The following ZMYND8 variants were observed in gnomAD, a reference collection of about 807,000 sequenced individuals.
ZMYND8 encodes MYND-type zinc finger-containing chromatin reader ZMYND8.
ZMYND8 carries 37 observed loss-of-function variants against 140.8 expected under a neutral mutation model. The ratio of observed to expected loss-of-function variants is 0.26; its 90% CI spans 0.20 to 0.35. ZMYND8 has a LOEUF of 0.35. Ranked by LOEUF, ZMYND8 falls within the 10% of genes least tolerant of loss-of-function variation. The pLI is 1.00. For missense variants in ZMYND8, 1,068 were observed against 1,570.0 expected (o/e 0.68, Z 5.40); for synonymous variants, 592 against 597.1 (o/e 0.99, Z 0.12).
In ZMYND8 at chr20:47,313,682, A is replaced by G. The variant is rs528516177; in HGVS notation, c.86-3478T>C. Among the ~76,000 whole-genome samples the G allele has an allele frequency of 1.4e-3, 206 of 152,118 alleles. 1 individual carries two copies. Among genetic ancestry groups the G allele is most frequent in the African/African-American group, 4.9e-3 (202 of 41,494 alleles). On this transcript the variant is annotated intron_variant, in intron 2 of 22. Transcript: ENST00000471951. ...GACGGTGGCTCACACCTGTAATCTCAGCACTTTGGGAGGCCGAGGCAAGCG... is the reference window on the plus strand; with the variant it reads ...GACGGTGGCTCACACCTGTAATCTCGGCACTTTGGGAGGCCGAGGCAAGCG...
At chr20:47,346,022 G>T (rs980089738) in intron 2 of ZMYND8, among the ~76,000 whole-genome samples, 1 of 152,148 alleles carries the variant, frequency 6.6e-6, no homozygotes, top group African/African-American at 2.4e-5. Context: ...GGAGAAAAGA[G>T]AGAAAGAGAC....
At chr20:47,251,324 C>T (rs2074151064) in intron 12 of ZMYND8, among the ~76,000 whole-genome samples, 1 of 151,962 alleles carries the variant, frequency 6.6e-6, no homozygotes, top group Non-Finnish European at 1.5e-5. Context: ...CACAGTGATT[C>T]ACACCTCTCC....
intron 3 of ZMYND8, among the ~76,000 whole-genome samples, chr20:47,301,279 T>C (rs1343728294): frequency 2.0e-5 from 3 of 151,592 alleles, no homozygotes; most frequent in African/African-American, 7.3e-5. Flanking sequence ...CTCAGCCTCC[T>C]GAGTAACTGG....
intron 5 of ZMYND8, among the ~76,000 whole-genome samples, chr20:47,292,527 A>G (rs572618905): frequency 6.6e-6 from 1 of 152,316 alleles, no homozygotes; most frequent in Admixed American, 6.5e-5. Context: ...TCTCAATTGA[A>G]GGATATCCAA....
chr20:47,252,845 G>A (rs1222506508), intron 12 of ZMYND8, among the ~76,000 whole-genome samples: 1 of 152,186 alleles, frequency 6.6e-6, no homozygotes, highest in Non-Finnish European at 1.5e-5. Context: ...CTTGAGCCCA[G>A]GAGGCAGAGG....
chr20:47,347,835 T>A (rs755428919), intron 2 of ZMYND8, 21 bp downstream of exon 2: 8 of 1,611,688 alleles, frequency 5.0e-6, no homozygotes, highest in Non-Finnish European at 6.8e-6. Context: ...CTAGAATAGA[T>A]AATACAAGAT....
At chr20:47,285,677 GC>G in intron 8 of ZMYND8, 1 of 985,134 alleles carries the variant, frequency 1.0e-6, no homozygotes, top group Non-Finnish European at 1.2e-6. Flanking sequence ...ATCATCAAAT[GC>G]GCAATGATAT....
intron 12 of ZMYND8, among the ~76,000 whole-genome samples, chr20:47,255,742 A>ATACGG (rs1555925170): frequency 9.0e-5 from 5 of 55,768 alleles, no homozygotes; most frequent in Non-Finnish European, 1.7e-4. Flanking sequence ...ATATATATAT[A>ATACGG]TATATATATA....
At chr20:47,315,821 C>A (rs1457260819) in intron 2 of ZMYND8, among the ~76,000 whole-genome samples, 1 of 152,176 alleles carries the variant, frequency 6.6e-6, no homozygotes, top group Non-Finnish European at 1.5e-5. Context: ...CCCCGCCCGG[C>A]TGGCTCACTC....
chr20:47,229,557 C>G (rs1258273649), intron 17 of ZMYND8, among the ~76,000 whole-genome samples, 169 bp downstream of exon 17: 1 of 152,162 alleles, frequency 6.6e-6, no homozygotes, highest in Non-Finnish European at 1.5e-5. Flanking sequence ...CCCCAGCCGT[C>G]TGGCTAAAGG....
intron 2 of ZMYND8, among the ~76,000 whole-genome samples, chr20:47,342,320 G>A (rs892772265): frequency 1.1e-4 from 17 of 151,878 alleles, no homozygotes; most frequent in African/African-American, 4.8e-5. Context: ...CGAGGCGGGC[G>A]GATTACCTGA....
rs1271898332 is a variant in ZMYND8 at position 47,210,101 on chromosome 20, C to G, written c.*660G>C. On this transcript the variant is annotated 3_prime_UTR_variant, in exon 23 of 23. Coordinates refer to ENST00000471951, the MANE Select transcript of ZMYND8 (RefSeq NM_001281775.3). ...AGGAGTAGAGTCATCATTTCAATCA[C>G]ATGAAAGAAACTAGCTTCTCCCTGT... is the stretch of plus-strand genomic sequence containing the variant. 2.6e-5 allele frequency: 4 copies of G among 152,620 alleles called. No individual in the cohort carries two copies. Among genetic ancestry groups the G allele is most frequent in the African/African-American group, 9.7e-5 (4 of 41,434 alleles). The allele number at this position is 152,620 out of a possible 1,614,324, so 9.5% of individuals were successfully genotyped here. A position where few individuals can be genotyped will look rare whatever the true frequency, so the allele number is the denominator to read the frequency against.
In ZMYND8 at chr20:47,349,533, C is replaced by A. The variant is rs553125103; in HGVS notation, c.15-1607G>T. ...GGAGAAAACATTCTCAACTCAGAAA[C>A]ACTCTGCCTGAAACATACACAGGTT... On this transcript the variant is annotated intron_variant, in intron 1 of 22. Coordinates refer to ENST00000471951, the MANE Select transcript of ZMYND8 (RefSeq NM_001281775.3). Among the ~76,000 whole-genome samples the A allele has an allele frequency of 4.7e-3, 719 of 152,326 alleles. 5 individuals carry two copies. Among genetic ancestry groups the A allele is most frequent in the Non-Finnish European group, 7.5e-3 (508 of 68,022 alleles).
At chr20:47,327,637 C>T (rs994154832) in intron 2 of ZMYND8, among the ~76,000 whole-genome samples, 1 of 152,056 alleles carries the variant, frequency 6.6e-6, no homozygotes, top group African/African-American at 2.4e-5. Flanking sequence ...GCCTGCGCGG[C>T]AGAGTAAGAC....
rs968891905 is a variant in ZMYND8 at position 47,298,677 on chromosome 20, G to A, written c.453+52C>T. ...TAAATTTAAAAATAAAAGGAAGAAA[G>A]AGAAAGGAGAGGAAACGAGGCAGGT... is the stretch of plus-strand genomic sequence containing the variant. On this transcript the variant is annotated intron_variant, in intron 4 of 22. Transcript: ENST00000471951. This position sits in a 1 kb window ranked among gnomAD's most constrained non-coding sequence, Gnocchi z 5.0. 4 of 1,561,830 alleles carry A rather than the reference G, an allele frequency of 2.6e-6. No individual in the cohort carries two copies. Among genetic ancestry groups the A allele is most frequent in the African/African-American group, 1.4e-5 (1 of 73,376 alleles).
chr20:47,340,788 A>T (rs1236750239), intron 2 of ZMYND8, among the ~76,000 whole-genome samples: 1 of 150,754 alleles, frequency 6.6e-6, no homozygotes, highest in Non-Finnish European at 1.5e-5. Context: ...CTCTGTCTCA[A>T]AAAGTATTTT....
chr20:47,332,238 G>A (rs2081017052), intron 2 of ZMYND8, among the ~76,000 whole-genome samples: 1 of 152,090 alleles, frequency 6.6e-6, no homozygotes, highest in South Asian at 2.1e-4. Flanking sequence ...TTGAACCCGG[G>A]AGGCAGAGGT....
intron 1 of ZMYND8, chr20:47,349,133 T>C (rs1569256922): frequency 6.6e-6 from 1 of 152,172 alleles, no homozygotes; most frequent in African/African-American, 2.4e-5. Flanking sequence ...CGAACCCTAG[T>C]ATAAGGAGAA....
chr20:47,343,500 C>T (rs550377345), intron 2 of ZMYND8, among the ~76,000 whole-genome samples: 2 of 152,140 alleles, frequency 1.3e-5, no homozygotes, highest in South Asian at 2.1e-4. Flanking sequence ...AGACTAATAC[C>T]CCATACAGAA....
Sources: allele counts gnomAD v4.1 joint callset (sites outside exome capture counted in the v4.1 genomes callset), GRCh38; gene constraint gnomAD v4.1.1; non-coding constraint Gnocchi (gnomAD v3.1); transcripts MANE v1.5; gene names NCBI Gene and HGNC (gene_info 2026-07-23, HGNC 2026-07-21).